The following JARID2 variants were observed in gnomAD, a reference collection of about 807,000 sequenced individuals.
JARID2 encodes the protein protein Jumonji.
Under a neutral mutation model 125.6 loss-of-function variants are expected in JARID2, and 21 were observed. That is an observed-to-expected ratio of 0.17 (90% CI 0.12 to 0.24). The LOEUF (loss-of-function observed/expected upper bound fraction) is 0.24, where lower values mean the gene tolerates loss of function less well. Ranked by LOEUF, JARID2 falls within the 10% of genes least tolerant of loss-of-function variation. The probability of loss-of-function intolerance (pLI) is 1.00; values close to 1 mark genes in which losing one functional copy is unlikely to be tolerated. For missense variants in JARID2, 1,303 were observed against 1,639.6 expected, an observed-to-expected ratio of 0.79 and a Z score of 3.55; for synonymous variants, 736 against 661.6, an observed-to-expected ratio of 1.11 and a Z score of -1.73.
chr6:15,298,679 CAAAA>C (rs778296232), intron 1 of JARID2, among the ~76,000 whole-genome samples: 3 of 81,316 alleles, frequency 3.7e-5, no homozygotes, highest in East Asian at 3.6e-4. Flanking sequence ...GACTCCATCT[CAAAA>C]AAAAAAAAAA....
chr6:15,372,800 C>T (rs1764222390), intron 1 of JARID2, among the ~76,000 whole-genome samples: 1 of 152,036 alleles, frequency 6.6e-6, no homozygotes, highest in African/African-American at 2.4e-5. Context: ...ACCTTTCCCT[C>T]TAGGTTCAAG....
intron 1 of JARID2, among the ~76,000 whole-genome samples, chr6:15,250,766 C>T (rs1759414968): frequency 6.6e-6 from 1 of 152,174 alleles, no homozygotes; most frequent in African/African-American, 2.4e-5. Flanking sequence ...AAACCAGTCC[C>T]TGTTGCTGGG....
intron 1 of JARID2, among the ~76,000 whole-genome samples, chr6:15,273,368 C>T (rs1317215643): frequency 3.3e-5 from 5 of 152,144 alleles, no homozygotes; most frequent in Non-Finnish European, 5.9e-5. Context: ...AACTATAAAA[C>T]CAAGGGAATG....
chr6:15,392,831 C>T (rs1319078030), intron 2 of JARID2, among the ~76,000 whole-genome samples: 1 of 151,748 alleles, frequency 6.6e-6, no homozygotes, highest in African/African-American at 2.4e-5. Context: ...GTTACAGGCG[C>T]CCACCATCAT....
intron 16 of JARID2, among the ~76,000 whole-genome samples, chr6:15,515,603 G>A (rs1046208692): frequency 2.6e-5 from 4 of 152,158 alleles, no homozygotes; most frequent in Admixed American, 2.0e-4. Flanking sequence ...CTGGGTGACA[G>A]AGGGAGACTA....
intron 2 of JARID2, among the ~76,000 whole-genome samples, chr6:15,394,419 C>T (rs529910450): frequency 5.3e-5 from 8 of 152,002 alleles, no homozygotes; most frequent in Non-Finnish European, 1.0e-4. Flanking sequence ...GGCAGCTTGG[C>T]GAAACACCAT....
At chr6:15,439,760 AAG>A (rs113242916) in intron 3 of JARID2, among the ~76,000 whole-genome samples, 17,229 of 152,226 alleles carry the variant, frequency 0.11, 1,077 homozygotes, top group Non-Finnish European at 0.13. Flanking sequence ...AATGCTAAAG[AAG>A]AGGGGTAACA....
At chr6:15,251,575 C>T (rs1434077069) in intron 1 of JARID2, among the ~76,000 whole-genome samples, 1 of 152,218 alleles carries the variant, frequency 6.6e-6, no homozygotes, top group African/African-American at 2.4e-5. Context: ...ACCTCTGTCC[C>T]CTTTGGCTTT....
At chr6:15,454,371 G>A (rs899330285) in intron 4 of JARID2, among the ~76,000 whole-genome samples, 6 of 152,182 alleles carry the variant, frequency 3.9e-5, no homozygotes, top group Admixed American at 6.5e-5. Flanking sequence ...TAATGTATTT[G>A]TTAGAAATTT....
intron 7 of JARID2, 126 bp from the exon 8 acceptor site, chr6:15,500,781 C>G (rs62396117): frequency 2.5e-6 from 2 of 810,900 alleles, no homozygotes; most frequent in East Asian, 2.4e-5. Context: ...GTTCACCACT[C>G]TCACCCCAGA....
At chr6:15,442,194 A>G (rs1767477623) in intron 3 of JARID2, among the ~76,000 whole-genome samples, 1 of 151,340 alleles carries the variant, frequency 6.6e-6, no homozygotes, top group African/African-American at 2.4e-5. Context: ...TTGCCAGGAG[A>G]GTTCTGGCAA....
chr6:15,266,136 C>A (rs939363285), intron 1 of JARID2, among the ~76,000 whole-genome samples: 1 of 152,136 alleles, frequency 6.6e-6, no homozygotes, highest in East Asian at 1.9e-4. Context: ...TTTGTGTCTT[C>A]CCATTTTACC....
chr6:15,341,568 C>G (rs954394755), intron 1 of JARID2, among the ~76,000 whole-genome samples: 10 of 152,168 alleles, frequency 6.6e-5, no homozygotes, highest in African/African-American at 2.2e-4. Flanking sequence ...ACTGGACCTT[C>G]TGTTTTGTCA....
intron 2 of JARID2, among the ~76,000 whole-genome samples, chr6:15,374,652 C>A (rs564146981): frequency 1.3e-5 from 2 of 152,178 alleles, no homozygotes; most frequent in Non-Finnish European, 2.9e-5. Context: ...TCTGGCTCAG[C>A]GGCTTTCTCA....
intron 1 of JARID2, among the ~76,000 whole-genome samples, chr6:15,362,140 C>A (rs1043537990): frequency 6.6e-6 from 1 of 151,838 alleles, no homozygotes; most frequent in Non-Finnish European, 1.5e-5. Context: ...GCGCCCCCCC[C>A]GCCTCCCAAA....
intron 1 of JARID2, among the ~76,000 whole-genome samples, chr6:15,328,281 T>C (rs1042756387): frequency 2.6e-5 from 4 of 152,100 alleles, no homozygotes; most frequent in African/African-American, 9.7e-5. Flanking sequence ...CTCCAAATTC[T>C]CCAAAACATA....
chr6:15,395,300 G>A (rs970026273), intron 2 of JARID2, among the ~76,000 whole-genome samples: 3 of 151,974 alleles, frequency 2.0e-5, no homozygotes, highest in African/African-American at 7.3e-5. Flanking sequence ...TGCTTTTTTG[G>A]GGGGTGGTGG....
chr6:15,426,635 C>CTTCCTTCAG lies in JARID2; in HGVS notation c.323+16273_323+16281dup, dbSNP rs1766739773. ...AATGGATGTGGACTGACAGCACTAGCTTCCTTCAGTTATAGTAGGGAGTGG... is the reference window on the plus strand; with the variant it reads ...AATGGATGTGGACTGACAGCACTAGCTTCCTTCAGTTCCTTCAGTTATAGTAGGGAGTGG... On this transcript the variant is annotated intron_variant, in intron 3 of 17. Coordinates refer to ENST00000341776, the MANE Select transcript of JARID2 (RefSeq NM_004973.4). Among the ~76,000 whole-genome samples, 10 of 152,320 alleles carry CTTCCTTCAG rather than the reference C, an allele frequency of 6.6e-5. No individual in the cohort carries two copies. In the South Asian group the frequency reaches 1.9e-3, roughly 28 times the overall value.
intron 7 of JARID2, among the ~76,000 whole-genome samples, chr6:15,500,229 T>C (rs140698816): frequency 3.9e-5 from 6 of 152,270 alleles, no homozygotes; most frequent in Non-Finnish European, 7.4e-5. Context: ...AGCACCAGCT[T>C]ATGCACTGAG....
Sources: allele counts gnomAD v4.1 joint callset (sites outside exome capture counted in the v4.1 genomes callset), GRCh38; gene constraint gnomAD v4.1.1; transcripts MANE v1.5; gene names NCBI Gene and HGNC (gene_info 2026-07-23, HGNC 2026-07-21).